Variants in PXMP2 observed in about 807,000 individuals in gnomAD.
PXMP2 encodes peroxisomal membrane protein 2.
PXMP2 carries 13 observed loss-of-function variants against 20.2 expected under a neutral mutation model. The observed-to-expected ratio is 0.64, with a 90% CI of 0.42 to 1.02. The LOEUF (loss-of-function observed/expected upper bound fraction) is 1.02. PXMP2 is among the 50% of genes least tolerant of loss of function. PXMP2 has a pLI of 0.00. For synonymous variants in PXMP2, 113 were observed against 111.2 expected (o/e 1.02, Z -0.10); for missense variants, 284 against 251.8 (o/e 1.13, Z -0.87).
intron 3 of PXMP2, among the ~76,000 whole-genome samples, chr12:132,698,665 C>T (rs776940614): frequency 3.3e-5 from 5 of 152,050 alleles, no homozygotes; most frequent in African/African-American, 1.2e-4. Flanking sequence ...GTCTCACTCT[C>T]GCCCAGGCTG....
intron 2 of PXMP2, 25 bp from the exon 3 acceptor site, chr12:132,695,859 G>A: frequency 6.3e-7 from 1 of 1,586,858 alleles, no homozygotes; most frequent in Non-Finnish European, 8.6e-7. Flanking sequence ...ACCACAATCT[G>A]GCTCACACCC....
At chr12:132,699,730 C>T (rs117964979) in intron 3 of PXMP2, among the ~76,000 whole-genome samples, 5,041 of 151,914 alleles carry the variant, frequency 0.033, 117 homozygotes, top group Non-Finnish European at 0.05. Flanking sequence ...AGTAGTGTTC[C>T]GTGGTGTATT....
intron 1 of PXMP2, among the ~76,000 whole-genome samples, chr12:132,689,288 G>C (rs1288756747): frequency 7.9e-5 from 12 of 151,876 alleles, no homozygotes; most frequent in Admixed American, 7.9e-4. Flanking sequence ...GCGAGTCTGC[G>C]GGGCGCGGGT....
chr12:132,688,087 C>T (rs1008011772), intron 1 of PXMP2: 1 of 199,116 alleles, frequency 5.0e-6, no homozygotes, highest in African/African-American at 2.4e-5. Context: ...CCCGCGCGCC[C>T]GGGGAAGCCA....
rs866864233 is a variant in PXMP2, at chr12:132,689,034, G to A, written c.123-1229G>A. 6.6e-3 allele frequency among the ~76,000 whole-genome samples: 568 copies of A among 85,812 alleles called. 18 individuals are homozygous for A. Among genetic ancestry groups the A allele is most frequent in the African/African-American group, 0.026 (513 of 20,088 alleles). 56.3% of individuals were successfully genotyped at this position (85,812 alleles called of 152,430 possible). On this transcript the variant is annotated intron_variant, in intron 1 of 4. Coordinates refer to ENST00000317479, the MANE Select transcript of PXMP2 (RefSeq NM_018663.3). ...GTCTTGGGGGCGCGGGTAAAGACAGGGCCAGGGGAGCGGGTCCTCATGGCG... is the reference window on the plus strand; with the variant it reads ...GTCTTGGGGGCGCGGGTAAAGACAGAGCCAGGGGAGCGGGTCCTCATGGCG...
intron 2 of PXMP2, among the ~76,000 whole-genome samples, chr12:132,690,980 C>T (rs760224342): frequency 6.6e-6 from 1 of 151,930 alleles, no homozygotes; most frequent in Admixed American, 6.6e-5. Flanking sequence ...ACCCTGAAAG[C>T]GTCCTAGACT....
chr12:132,690,506 A>G (rs890471682), intron 2 of PXMP2, 130 bp downstream of exon 2: 5 of 697,006 alleles, frequency 7.2e-6, no homozygotes, highest in East Asian at 2.8e-5. Flanking sequence ...AGTAATCATC[A>G]TGGGAAAAAA....
rs1345617181 is a variant in PXMP2, at chr12:132,692,921, G to A, written c.236+2545G>A. 2.3e-3 allele frequency among the ~76,000 whole-genome samples: 166 copies of A among 72,152 alleles called. 12 individuals are homozygous for A. The highest frequency in any genetic ancestry group is 7.4e-3 in the African/African-American group (155 of 20,838). The allele number at this position is 72,152 out of a possible 152,430, so 47.3% of individuals were successfully genotyped here. ...TCCCTTAGTCAGTTAGTTAGTGAGCGCCCTTGCCAGTTAGTGAGCGCCCTT... is the reference window on the plus strand; with the variant it reads ...TCCCTTAGTCAGTTAGTTAGTGAGCACCCTTGCCAGTTAGTGAGCGCCCTT... On this transcript the variant is annotated intron_variant, in intron 2 of 4. Coordinates refer to ENST00000317479, the MANE Select transcript of PXMP2 (RefSeq NM_018663.3).
In PXMP2 at chr12:132,695,867, C is replaced by T; in HGVS notation, c.237-17C>T. ...CCAGAGAACCACAATCTGGCTCACA[C>T]CCCCTGGGGGCCTCAGGTTCTTCTT... is the stretch of plus-strand genomic sequence containing the variant. On this transcript the variant is annotated splice_polypyrimidine_tract_variant and intron_variant, in intron 2 of 4. Transcript: ENST00000317479. 1 of 1,594,276 alleles carries T rather than the reference C, an allele frequency of 6.3e-7. No homozygotes were observed. Among genetic ancestry groups the T allele is most frequent in the Admixed American group, 1.7e-5 (1 of 57,818 alleles).
At chr12:132,690,813 C>A (rs762996966) in intron 2 of PXMP2, among the ~76,000 whole-genome samples, 1 of 152,138 alleles carries the variant, frequency 6.6e-6, no homozygotes, top group Non-Finnish European at 1.5e-5. Flanking sequence ...TCCCAAAGTG[C>A]TGGGATTACA....
chr12:132,694,792 G>A (rs2043400329), intron 2 of PXMP2, among the ~76,000 whole-genome samples: 1 of 142,958 alleles, frequency 7.0e-6, no homozygotes, highest in African/African-American at 2.7e-5. Flanking sequence ...TAGTTAGTGA[G>A]CGCCCTTGCC....
intron 2 of PXMP2, among the ~76,000 whole-genome samples, chr12:132,692,318 T>G (rs34175886): frequency 6.7e-5 from 8 of 119,544 alleles, no homozygotes; most frequent in South Asian, 2.8e-4. Flanking sequence ...ATTAGTGAGC[T>G]CCCTTAGCCA....
intron 4 of PXMP2, chr12:132,702,574 C>T (rs1009496592): frequency 7.6e-6 from 2 of 263,968 alleles, no homozygotes; most frequent in Admixed American, 1.0e-4. Flanking sequence ...GGTATGCCGC[C>T]CATCAGGGTT....
intron 4 of PXMP2, chr12:132,702,453 C>A: frequency 5.0e-6 from 2 of 399,446 alleles, no homozygotes; most frequent in Non-Finnish European, 1.0e-5. Context: ...ACCACTCCCA[C>A]ACTGGGAGGA....
chr12:132,700,449 CAT>C (rs200221303), intron 3 of PXMP2, among the ~76,000 whole-genome samples: 4,039 of 152,130 alleles, frequency 0.027, 152 homozygotes, highest in Admixed American at 0.11. Flanking sequence ...AACATTTTTT[CAT>C]ATGTTTCTTG....
chr12:132,688,626 T>G (rs1267405515), intron 1 of PXMP2, among the ~76,000 whole-genome samples: 8 of 21,160 alleles, frequency 3.8e-4, no homozygotes, highest in Admixed American at 1.5e-3. Context: ...CGGGTCTGCG[T>G]GGTGCGGGTG....
intron 3 of PXMP2, among the ~76,000 whole-genome samples, chr12:132,698,495 T>C (rs768993284): frequency 7.9e-5 from 12 of 152,254 alleles, no homozygotes; most frequent in African/African-American, 2.4e-4. Flanking sequence ...CAGTAGGAGA[T>C]AGACTTCTGT....
intron 3 of PXMP2, among the ~76,000 whole-genome samples, chr12:132,698,007 G>T (rs1443833486): frequency 4.7e-5 from 7 of 148,958 alleles, no homozygotes. Context: ...TCTGAGACGT[G>T]TCACCTTTTT....
At chr12:132,691,325 G>C (rs1028736257) in intron 2 of PXMP2, among the ~76,000 whole-genome samples, 1 of 152,162 alleles carries the variant, frequency 6.6e-6, no homozygotes, top group Admixed American at 6.5e-5. Context: ...TGGGATTACA[G>C]GCGCGAGCCA....
Sources: gnomAD v4.1 joint callset for allele counts (sites outside exome capture counted in the v4.1 genomes callset) on GRCh38, gnomAD v4.1.1 for gene constraint, MANE v1.5 for transcripts, NCBI Gene and HGNC (gene_info 2026-07-23, HGNC 2026-07-21) for gene names.